Variants in MYOM3 observed in about 807,000 individuals in gnomAD.
The protein encoded by MYOM3 is myomesin-3.
A neutral mutation model predicts 191.7 loss-of-function variants in MYOM3; 155 were observed. The observed-to-expected ratio is 0.81, with a 90% CI of 0.71 to 0.92. The LOEUF (loss-of-function observed/expected upper bound fraction) is 0.92. Among genes scored for constraint, MYOM3 ranks in the 40% least tolerant of loss-of-function variants. The pLI is 0.00. For missense variants in MYOM3, 1,889 were observed against 1,890.6 expected, an observed-to-expected ratio of 1.00 and a Z score of 0.02; for synonymous variants, 757 against 762.9, an observed-to-expected ratio of 0.99 and a Z score of 0.13.
intron 5 of MYOM3, among the ~76,000 whole-genome samples, chr1:24,103,450 T>C (rs1169932801): frequency 6.6e-6 from 1 of 152,256 alleles, no homozygotes; most frequent in Non-Finnish European, 1.5e-5. Flanking sequence ...TTCTGAAGCA[T>C]TGTATGTGCT....
At chr1:24,109,172 G>A (rs76479973) in intron 1 of MYOM3, among the ~76,000 whole-genome samples, 2,405 of 152,216 alleles carry the variant, frequency 0.016, 76 homozygotes, top group African/African-American at 0.055. Flanking sequence ...CTCCTGGCCC[G>A]CTTGGCTCTA....
chr1:24,068,401 G>T, intron 25 of MYOM3, 34 bp from the exon 26 acceptor site: 1 of 1,612,922 alleles, frequency 6.2e-7, no homozygotes, highest in Non-Finnish European at 8.5e-7. Flanking sequence ...CCTTTTCCCT[G>T]TTCTGGGAAC....
chr1:24,086,317 G>T (rs1481462034), intron 15 of MYOM3, among the ~76,000 whole-genome samples: 1 of 152,152 alleles, frequency 6.6e-6, no homozygotes, highest in African/African-American at 2.4e-5. Flanking sequence ...TGAGCTGCAG[G>T]ATCTAGGGGC....
Position 24,066,938 on chromosome 1 carries a change from T to G in MYOM3, c.3423+83A>C, listed in dbSNP as rs1257245962. Reference sequence around the variant, plus strand: ...AGAGTATGGAATTTAGGGGGCCGGGTGGGCAGGGACAGCAACTGGGCTTGG... The same window carrying G: ...AGAGTATGGAATTTAGGGGGCCGGGGGGGCAGGGACAGCAACTGGGCTTGG... On this transcript the variant is annotated intron_variant, in intron 28 of 36. Transcript: ENST00000374434. 2.5e-6 allele frequency: 3 copies of G among 1,223,084 alleles called. No individual in the cohort carries two copies. In the African/African-American group the frequency reaches 4.7e-5, roughly 19 times the overall value. 75.8% of individuals were successfully genotyped at this position (1,223,084 alleles called of 1,614,324 possible).
At position 24,082,146 on chromosome 1, in the gene MYOM3, C is replaced by G; in HGVS notation, c.2135G>C (p.Gly712Ala). 6.2e-7 allele frequency: 1 copy of G among 1,613,472 alleles called. No homozygotes were observed. The highest frequency in any genetic ancestry group is 8.5e-7 in the Non-Finnish European group (1 of 1,179,816). Residue 712 changes from glycine (G) to alanine (A), a missense_variant, in exon 18 of 37, where the codon GGG becomes GCG. Gly to Ala is a moderately conservative substitution (Grantham distance 60). Coordinates refer to ENST00000374434, the MANE Select transcript of MYOM3 (RefSeq NM_152372.4). ...CCACCCAATGACCATTTCATTCTTC[C>G]CGCAGTTCAGGAGGGCAAAGCCATA... is the stretch of plus-strand genomic sequence containing the variant. ...APYGFALLNC[G>A]KNEMVIGWKP...
In MYOM3 at chr1:24,080,061, C is replaced by T. The variant is rs1306897164; in HGVS notation, c.2541G>A (p.Gln847=). The T allele has an allele frequency of 1.2e-6, 2 of 1,613,914 alleles. No homozygotes were observed. The highest frequency in any genetic ancestry group is 1.7e-5 in the Admixed American group (1 of 59,984). The part of the protein sequence containing the change: ...HVSFQEEGSE[Q]WKPVTPGPIS... Reference sequence around the variant, plus strand: ...TGGGGCCTGGGGTGACCGGCTTCCACTGCTCAGAGCCTTCCTCCTGGAAAC... The same window carrying T: ...TGGGGCCTGGGGTGACCGGCTTCCATTGCTCAGAGCCTTCCTCCTGGAAAC... Residue 847 remains glutamine, a synonymous_variant, in exon 20 of 37, where the codon CAG becomes CAA. Transcript: ENST00000374434.
At chr1:24,085,291 T>TGGAC (rs2148553204) in intron 15 of MYOM3, among the ~76,000 whole-genome samples, 1 of 149,690 alleles carries the variant, frequency 6.7e-6, no homozygotes, top group South Asian at 2.1e-4. Context: ...GATGGATGGA[T>TGGAC]GGATGGATGG....
chr1:24,071,687 A>G lies in MYOM3; in HGVS notation c.3013+282T>C, dbSNP rs1455053124. Reference sequence around the variant, plus strand: ...CTGTCCCTAGCCAATGGAGAGAAGCAGAGGTTTAGACGATCCCAAATCCTA... The same window carrying G: ...CTGTCCCTAGCCAATGGAGAGAAGCGGAGGTTTAGACGATCCCAAATCCTA... On this transcript the variant is annotated intron_variant, in intron 24 of 36. Transcript: ENST00000374434. Among the ~76,000 whole-genome samples the G allele has an allele frequency of 5.9e-5, 9 of 152,244 alleles. No homozygotes were observed. The East Asian group carries it at 1.7e-3, about 29-fold the overall frequency.
chr1:24,061,366 G>C (rs1643368188), intron 33 of MYOM3, 57 bp from the exon 34 acceptor site: 1 of 1,557,880 alleles, frequency 6.4e-7, no homozygotes, highest in Non-Finnish European at 8.8e-7. Flanking sequence ...TCTGATGATG[G>C]GGACAGGGTG....
Position 24,058,913 on chromosome 1 carries a change from A to T in MYOM3, c.4050+11T>A, listed in dbSNP as rs1643334558. 1 of 1,603,472 alleles carries T rather than the reference A, an allele frequency of 6.2e-7. No individual in the cohort carries two copies. Among genetic ancestry groups the T allele is most frequent in the African/African-American group, 1.3e-5 (1 of 74,788 alleles). On this transcript the variant is annotated intron_variant, in intron 36 of 36. Coordinates refer to ENST00000374434, the MANE Select transcript of MYOM3 (RefSeq NM_152372.4). The stretch of plus-strand genomic sequence containing the variant: ...GGGGACTGCTGGCTGTGGGCTGGGA[A>T]GGGTCAGTACCTTATCTTCCATGAT...
At chr1:24,098,642 TGGTCACTCAGCAC>T (rs1643891482) in intron 6 of MYOM3, among the ~76,000 whole-genome samples, 4 of 152,220 alleles carry the variant, frequency 2.6e-5, no homozygotes, top group African/African-American at 4.8e-5. Context: ...TTTTTGCCCC[TGGTCACTCAGCAC>T]AGGAACCCCT....
chr1:24,093,121 A>T lies in MYOM3; in HGVS notation c.929-13T>A. On this transcript the variant is annotated splice_polypyrimidine_tract_variant and intron_variant, in intron 9 of 36. Coordinates refer to ENST00000374434, the MANE Select transcript of MYOM3 (RefSeq NM_152372.4). Reference sequence around the variant, plus strand: ...CTCAGTAGGCTCCCTGTGGAGGGGAAGTGGGGGGCCATTGAGTTTGTGGGG... The same window carrying T: ...CTCAGTAGGCTCCCTGTGGAGGGGATGTGGGGGGCCATTGAGTTTGTGGGG... The T allele has an allele frequency of 6.3e-7, 1 of 1,598,708 alleles. No homozygotes were observed. Among genetic ancestry groups the T allele is most frequent in the Non-Finnish European group, 8.5e-7 (1 of 1,176,626 alleles).
Position 24,063,183 on chromosome 1 carries a change from A to C in MYOM3, c.3713T>G (p.Ile1238Ser). The change falls in exon 32 of 37, where the codon ATC becomes AGC. Residue 1238 changes from isoleucine (I) to serine (S), a missense_variant. Transcript: ENST00000374434. This position sits in a 1 kb window ranked among gnomAD's most constrained non-coding sequence, Gnocchi z 4.5. ...KIQGTEEGIR[I>S]FSKVKYYNVE... ...GTTGTAGTACTTGACCTTGCTGAAG[A>C]TCCGGATCCCTTCCTCGGTCCCCTG... 1 of 1,614,014 alleles carries C rather than the reference A, an allele frequency of 6.2e-7. No individual in the cohort carries two copies. The highest frequency in any genetic ancestry group is 8.5e-7 in the Non-Finnish European group (1 of 1,179,944).
chr1:24,088,805 G>A (rs1643777623), intron 14 of MYOM3, among the ~76,000 whole-genome samples: 1 of 152,158 alleles, frequency 6.6e-6, no homozygotes, highest in Non-Finnish European at 1.5e-5. Context: ...ACACCTCCTT[G>A]GGAAGCACTG....
At chr1:24,099,544 A>C in intron 6 of MYOM3, 136 bp downstream of exon 6, 1 of 658,510 alleles carries the variant, frequency 1.5e-6, no homozygotes, top group Non-Finnish European at 2.7e-6. Flanking sequence ...AGGAATCGGT[A>C]TTTTGACCAG....
At chr1:24,059,127 AT>A (rs936473270) in intron 35 of MYOM3, 148 bp from the exon 36 acceptor site, 121 of 647,854 alleles carry the variant, frequency 1.9e-4, no homozygotes, top group East Asian at 1.3e-3. Flanking sequence ...TCTTTTTTAA[AT>A]TTTTTTTTCA....
In MYOM3 at chr1:24,066,935, G is replaced by A. The variant is rs550462990; in HGVS notation, c.3423+86C>T. ...CACAGAGTATGGAATTTAGGGGGCC[G>A]GGTGGGCAGGGACAGCAACTGGGCT... On this transcript the variant is annotated intron_variant, in intron 28 of 36. Coordinates refer to ENST00000374434, the MANE Select transcript of MYOM3 (RefSeq NM_152372.4). 36 of 1,244,338 alleles carry A rather than the reference G, an allele frequency of 2.9e-5. 1 individual carries two copies. The highest frequency in any genetic ancestry group is 7.6e-5 in the African/African-American group (5 of 66,088). 77.1% of individuals were successfully genotyped at this position (1,244,338 alleles called of 1,614,324 possible). A position where few individuals can be genotyped will look rare whatever the true frequency, so the allele number is the denominator to read the frequency against.
intron 14 of MYOM3, among the ~76,000 whole-genome samples, chr1:24,089,011 C>T (rs972766407): frequency 2.0e-5 from 3 of 152,220 alleles, no homozygotes; most frequent in African/African-American, 7.2e-5. Flanking sequence ...ACTGCCCCCC[C>T]TCCACTGTGA....
At chr1:24,110,475 GC>G (rs2148564229) in intron 1 of MYOM3, among the ~76,000 whole-genome samples, 1 of 152,296 alleles carries the variant, frequency 6.6e-6, no homozygotes, top group East Asian at 1.9e-4. Flanking sequence ...GAGCCCACTG[GC>G]TTTATTGGAG....
Sources: allele counts gnomAD v4.1 joint callset (sites outside exome capture counted in the v4.1 genomes callset), GRCh38; gene constraint gnomAD v4.1.1; non-coding constraint Gnocchi (gnomAD v3.1); transcripts MANE v1.5; gene names NCBI Gene and HGNC (gene_info 2026-07-23, HGNC 2026-07-21).